Variants in ADCK1 observed in about 807,000 individuals in gnomAD.
The protein encoded by ADCK1 is aarF domain-containing protein kinase 1.
A neutral mutation model predicts 52.3 loss-of-function variants in ADCK1; 41 were observed. That is an observed-to-expected ratio of 0.78 (90% CI 0.61 to 1.02). ADCK1 has a LOEUF of 1.02. Among genes scored for constraint, ADCK1 ranks in the 50% least tolerant of loss-of-function variants. ADCK1 has a pLI of 0.00. For missense variants in ADCK1, 658 were observed against 679.5 expected (o/e 0.97, Z 0.35); for synonymous variants, 250 against 274.6 (o/e 0.91, Z 0.89).
Position 77,887,227 on chromosome 14 carries a change from C to T in ADCK1, c.560C>T (p.Ser187Leu), listed in dbSNP as rs779266129. 16 of 1,591,612 alleles carry T rather than the reference C, an allele frequency of 1.0e-5. No homozygotes were observed. The highest frequency in any genetic ancestry group is 2.3e-5 in the South Asian group (2 of 87,730). ...VQHPKVRAQSSKDILLMEVLV... is the reference protein window; with the variant it reads ...VQHPKVRAQSLKDILLMEVLV... The stretch of plus-strand genomic sequence containing the variant: ...CACCCAAAGGTGCGGGCTCAGAGCT[C>T]GAAGGACATTCTCCTGATGGAGGTG... The change falls in exon 5 of 11, where the codon TCG (serine) becomes TTG (leucine). Residue 187 changes from serine (S) to leucine (L), a missense_variant. By Grantham distance (145) the Ser-to-Leu change is moderately radical. Coordinates refer to ENST00000238561, the MANE Select transcript of ADCK1 (RefSeq NM_020421.4).
At chr14:77,912,374 A>G (rs796715807) in intron 7 of ADCK1, among the ~76,000 whole-genome samples, 37 of 151,932 alleles carry the variant, frequency 2.4e-4, no homozygotes, top group African/African-American at 8.7e-4. Context: ...GAATAAATTA[A>G]TCTATCATGT....
At chr14:77,869,147 TTTGG>T (rs1258803974) in intron 4 of ADCK1, among the ~76,000 whole-genome samples, 2 of 151,794 alleles carry the variant, frequency 1.3e-5, no homozygotes, top group Non-Finnish European at 2.9e-5. Flanking sequence ...GGCAGGGAGC[TTTGG>T]TTGGATGGCG....
intron 4 of ADCK1, among the ~76,000 whole-genome samples, chr14:77,886,838 C>T (rs547511832): frequency 2.6e-5 from 4 of 152,012 alleles, no homozygotes; most frequent in South Asian, 2.1e-4. Flanking sequence ...ACCTGGGGGG[C>T]GGAGGCTGCA....
At chr14:77,928,168 T>C (rs2084240378) in intron 9 of ADCK1, among the ~76,000 whole-genome samples, 1 of 152,114 alleles carries the variant, frequency 6.6e-6, no homozygotes. Context: ...GGGCCAAGGC[T>C]GCATCATAGC....
At chr14:77,850,611 T>C (rs1323270304) in intron 3 of ADCK1, among the ~76,000 whole-genome samples, 4 of 152,024 alleles carry the variant, frequency 2.6e-5, no homozygotes, top group Admixed American at 1.3e-4. Flanking sequence ...AATATAGCTG[T>C]TTCAGCTTTC....
At chr14:77,858,781 T>C (rs879644988) in intron 3 of ADCK1, among the ~76,000 whole-genome samples, 8 of 152,256 alleles carry the variant, frequency 5.3e-5, no homozygotes, top group Admixed American at 5.2e-4. Context: ...CCTTGAATGC[T>C]TATTTCTAGG....
intron 3 of ADCK1, among the ~76,000 whole-genome samples, chr14:77,844,519 C>G (rs565117703): frequency 4.6e-5 from 7 of 152,312 alleles, no homozygotes; most frequent in East Asian, 3.9e-4. Flanking sequence ...GCTCTCCCCC[C>G]TGTTGGACTC....
At chr14:77,804,876 A>G (rs76876636) in intron 1 of ADCK1, among the ~76,000 whole-genome samples, 7,400 of 152,230 alleles carry the variant, frequency 0.049, 288 homozygotes, top group East Asian at 0.17. Context: ...TTGTGCCACA[A>G]TGCAGAGTTG....
intron 5 of ADCK1, among the ~76,000 whole-genome samples, chr14:77,887,606 A>G (rs2140209455): frequency 6.6e-6 from 1 of 152,356 alleles, no homozygotes; most frequent in East Asian, 1.9e-4. Flanking sequence ...AGACAAAATT[A>G]CATCTTAATT....
intron 8 of ADCK1, 93 bp downstream of exon 8, chr14:77,924,699 G>A (rs923570215): frequency 4.6e-6 from 7 of 1,513,912 alleles, no homozygotes; most frequent in Admixed American, 3.8e-5. Flanking sequence ...GGGAGATAGC[G>A]AGGGTAGCTG....
At chr14:77,848,790 G>A (rs1243545254) in intron 3 of ADCK1, among the ~76,000 whole-genome samples, 1 of 151,380 alleles carries the variant, frequency 6.6e-6, no homozygotes, top group Non-Finnish European at 1.5e-5. Context: ...TTGAGAGAGT[G>A]TCTTACTCTG....
intron 7 of ADCK1, among the ~76,000 whole-genome samples, chr14:77,915,313 C>T (rs888147051): frequency 5.3e-5 from 8 of 151,444 alleles, no homozygotes; most frequent in African/African-American, 1.9e-4. Context: ...AGGTATATCT[C>T]CTAATGCTAT....
intron 7 of ADCK1, among the ~76,000 whole-genome samples, chr14:77,916,621 A>AT (rs1429340447): frequency 6.6e-6 from 1 of 152,050 alleles, no homozygotes; most frequent in Non-Finnish European, 1.5e-5. Flanking sequence ...TGCCTAGATA[A>AT]TTTTTGTATT....
At chr14:77,802,815 G>A (rs1167209837) in intron 1 of ADCK1, among the ~76,000 whole-genome samples, 69 of 152,186 alleles carry the variant, frequency 4.5e-4, no homozygotes, top group Non-Finnish European at 7.4e-5. Context: ...TTAGCTGGGC[G>A]TGGTGCCGGG....
chr14:77,897,714 G>A (rs543656501), intron 5 of ADCK1, among the ~76,000 whole-genome samples: 8 of 152,140 alleles, frequency 5.3e-5, no homozygotes, highest in South Asian at 4.2e-4. Flanking sequence ...CATTTTAGAC[G>A]TACAGAAAGT....
At chr14:77,913,170 C>T (rs907185016) in intron 7 of ADCK1, among the ~76,000 whole-genome samples, 11 of 152,150 alleles carry the variant, frequency 7.2e-5, no homozygotes, top group South Asian at 2.1e-4. Flanking sequence ...AATCCAAATC[C>T]GGGGTGGAAA....
chr14:77,824,804 G>A (rs2081658888), intron 3 of ADCK1, among the ~76,000 whole-genome samples: 1 of 152,074 alleles, frequency 6.6e-6, no homozygotes, highest in Non-Finnish European at 1.5e-5. Context: ...GATATATTAA[G>A]GTTGACATTT....
intron 7 of ADCK1, chr14:77,914,557 G>T: frequency 1.0e-6 from 1 of 985,424 alleles, no homozygotes; most frequent in Non-Finnish European, 1.2e-6. Context: ...AGAGGGTGGG[G>T]CTGGGTGAGG....
At chr14:77,815,141 C>A (rs981622711) in intron 1 of ADCK1, among the ~76,000 whole-genome samples, 2 of 151,106 alleles carry the variant, frequency 1.3e-5, no homozygotes, top group African/African-American at 4.9e-5. Flanking sequence ...CCTTGGCCTC[C>A]CACCAAGCCT....
Sources: allele counts gnomAD v4.1 joint callset (sites outside exome capture counted in the v4.1 genomes callset), GRCh38; gene constraint gnomAD v4.1.1; transcripts MANE v1.5; gene names NCBI Gene and HGNC (gene_info 2026-07-23, HGNC 2026-07-21).